Variants in SMCHD1 observed in about 807,000 individuals in gnomAD.
The protein encoded by SMCHD1 is structural maintenance of chromosomes flexible hinge domain containing 1.
A neutral mutation model predicts 254.7 loss-of-function variants in SMCHD1; 78 were observed. The observed-to-expected ratio is 0.31, with a 90% confidence interval of 0.26 to 0.37. SMCHD1 has a LOEUF of 0.37. Ranked by LOEUF, SMCHD1 falls within the 10% of genes least tolerant of loss-of-function variation. The probability of loss-of-function intolerance (pLI) is 1.00; values close to 1 mark genes in which losing one functional copy is unlikely to be tolerated. For missense variants in SMCHD1, 1,840 were observed against 2,408.1 expected, an observed-to-expected ratio of 0.76 and a Z score of 4.94; for synonymous variants, 766 against 794.9, an observed-to-expected ratio of 0.96 and a Z score of 0.61.
chr18:2,673,328 C>G lies in SMCHD1; in HGVS notation c.472C>G (p.Arg158Gly). The G allele has an allele frequency of 6.3e-7, 1 of 1,582,618 alleles. No individual in the cohort carries two copies. The highest frequency in any genetic ancestry group is 8.6e-7 in the Non-Finnish European group (1 of 1,158,190). ...TGACAATTCATTGTCTGCTACTTCT[C>G]GTAACATTGGGGTTAGAAGAATACA... ...LIDNSLSATS[R>G]NIGVRRIQIK... is the part of the protein sequence containing the mutation. Residue 158 changes from arginine to glycine, a missense_variant, in exon 4 of 48, where the codon CGT becomes GGT. Physicochemically the swap from Arg to Gly is moderately radical, Grantham distance 125 (BLOSUM62 -2). Around this residue, in one of 9 missense-constraint regions of SMCHD1, gnomAD observed 498 missense variants for 743.5 expected, o/e 0.67. Transcript: ENST00000320876.
intron 45 of SMCHD1, among the ~76,000 whole-genome samples, chr18:2,786,082 C>T (rs1362566192): frequency 6.6e-6 from 1 of 151,982 alleles, no homozygotes; most frequent in African/African-American, 2.4e-5. Context: ...GGCACAATCT[C>T]AGCTCACTGC....
At chr18:2,762,438 A>G (rs2075802467) in intron 36 of SMCHD1, among the ~76,000 whole-genome samples, 1 of 152,002 alleles carries the variant, frequency 6.6e-6, no homozygotes, top group Admixed American at 6.6e-5. Flanking sequence ...CATAAAATGA[A>G]TTCAGAATAA....
intron 15 of SMCHD1, 193 bp from the exon 16 acceptor site, chr18:2,707,368 TTC>T: frequency 2.8e-6 from 1 of 351,612 alleles, no homozygotes; most frequent in Non-Finnish European, 5.1e-6. Flanking sequence ...TTTTTTCTTC[TTC>T]TTTTTTTTCA....
intron 45 of SMCHD1, chr18:2,784,913 G>T (rs1306765696): frequency 2.2e-6 from 1 of 461,320 alleles, no homozygotes; most frequent in Non-Finnish European, 4.2e-6. Flanking sequence ...GGAGTTTGAG[G>T]TCAGCCTGGG....
intron 32 of SMCHD1, among the ~76,000 whole-genome samples, 161 bp from the exon 33 acceptor site, chr18:2,751,117 A>G (rs879845621): frequency 2.1e-4 from 32 of 152,218 alleles, no homozygotes; most frequent in East Asian, 1.2e-3. Flanking sequence ...TTGGTCTTGT[A>G]TGCTAGAATT....
At chr18:2,713,021 T>C (rs1488813546) in intron 17 of SMCHD1, among the ~76,000 whole-genome samples, 1 of 152,208 alleles carries the variant, frequency 6.6e-6, no homozygotes, top group Non-Finnish European at 1.5e-5. Flanking sequence ...CTTAAATGTG[T>C]CTTTCCCCTC....
At chr18:2,749,018 A>G (rs1043590256) in intron 30 of SMCHD1, among the ~76,000 whole-genome samples, 4 of 152,214 alleles carry the variant, frequency 2.6e-5, no homozygotes, top group Non-Finnish European at 5.9e-5. Flanking sequence ...TTTCATAGTA[A>G]TTACAGTTGG....
At chr18:2,763,861 T>C in intron 37 of SMCHD1, 72 bp downstream of exon 37, 1 of 1,360,392 alleles carries the variant, frequency 7.4e-7, no homozygotes, top group Non-Finnish European at 1.0e-6. Context: ...TTAAGACACC[T>C]TTTCTTTTGT....
intron 39 of SMCHD1, among the ~76,000 whole-genome samples, chr18:2,770,827 G>A (rs890803209): frequency 1.2e-4 from 18 of 152,090 alleles, no homozygotes; most frequent in Non-Finnish European, 2.1e-4. Context: ...CACCATGTTG[G>A]CCGGGCTGGT....
At chr18:2,754,708 C>T (rs530923972) in intron 34 of SMCHD1, among the ~76,000 whole-genome samples, 4 of 152,198 alleles carry the variant, frequency 2.6e-5, no homozygotes, top group African/African-American at 9.6e-5. Context: ...TGAGAACCCT[C>T]CTGAAATCTA....
At chr18:2,793,625 A>G (rs1364541919) in intron 45 of SMCHD1, among the ~76,000 whole-genome samples, 2 of 138,006 alleles carry the variant, frequency 1.4e-5, no homozygotes, top group African/African-American at 2.7e-5. Flanking sequence ...AGATCGCGCC[A>G]CTGCACTCCA....
rs535446170 is a variant in SMCHD1 at position 2,726,705 on chromosome 18, A to G, written c.2773+181A>G. 115 of 308,846 alleles carry G rather than the reference A, an allele frequency of 3.7e-4. 1 individual carries two copies. The East Asian group carries it at 6.8e-3, about 18-fold the overall frequency. The allele number at this position is 308,846 out of a possible 1,614,324, so 19.1% of individuals were successfully genotyped here. ...TTTAAAAAGGAAAACATTTAGGAAGATGTTATTGACATTCTGAATATAACC... is the reference window on the plus strand; with the variant it reads ...TTTAAAAAGGAAAACATTTAGGAAGGTGTTATTGACATTCTGAATATAACC... On this transcript the variant is annotated intron_variant, in intron 22 of 47. Coordinates refer to ENST00000320876, the MANE Select transcript of SMCHD1 (RefSeq NM_015295.3).
intron 1 of SMCHD1, among the ~76,000 whole-genome samples, chr18:2,662,921 G>T (rs941316931): frequency 6.6e-6 from 1 of 152,002 alleles, no homozygotes; most frequent in African/African-American, 2.4e-5. Context: ...CTTTATGTTT[G>T]ACTTTTTTTC....
At position 2,733,117 on chromosome 18, in the gene SMCHD1, A is replaced by G. The variant is rs577507900; in HGVS notation, c.3276+625A>G. On this transcript the variant is annotated intron_variant, in intron 25 of 47. Coordinates refer to ENST00000320876, the MANE Select transcript of SMCHD1 (RefSeq NM_015295.3). ...TACATAAAGTAGACAGCTTTTTAGC[A>G]TTCCTTTGATGGTTGACTGAAAGAA... 4.3e-4 allele frequency among the ~76,000 whole-genome samples: 65 copies of G among 152,358 alleles called. No homozygotes were observed. In the Middle Eastern group the frequency reaches 0.01, roughly 24 times the overall value.
At position 2,760,665 on chromosome 18, in the gene SMCHD1, C is replaced by T. The variant is rs1166557758; in HGVS notation, c.4360C>T (p.Pro1454Ser). 1.3e-6 allele frequency: 2 copies of T among 1,557,146 alleles called. No individual in the cohort carries two copies. The highest frequency in any genetic ancestry group is 1.8e-6 in the Non-Finnish European group (2 of 1,129,146). ...GCFYFRDKVI[P>S]NKVGTYCIQF... ...TTTTAAATTTAGGGATAAAGTAATT[C>T]CTAATAAAGTGGGGACATATTGTAT... The change falls in exon 35 of 48, where the codon CCT (proline) becomes TCT (serine). Residue 1454 changes from proline (P) to serine (S), a missense_variant. Coordinates refer to ENST00000320876, the MANE Select transcript of SMCHD1 (RefSeq NM_015295.3).
chr18:2,685,707 T>C (rs2074036122), intron 5 of SMCHD1, among the ~76,000 whole-genome samples: 1 of 152,176 alleles, frequency 6.6e-6, no homozygotes, highest in African/African-American at 2.4e-5. Context: ...AATTATACAG[T>C]ATTTGTCATT....
chr18:2,761,861 T>G (rs2075791732), intron 35 of SMCHD1, among the ~76,000 whole-genome samples: 1 of 152,180 alleles, frequency 6.6e-6, no homozygotes, highest in African/African-American at 2.4e-5. Flanking sequence ...TTTGATTACC[T>G]ATGTTTTTTA....
chr18:2,707,973 CAAATT>C (rs2074558620), intron 17 of SMCHD1, 53 bp downstream of exon 17: 2 of 1,065,142 alleles, frequency 1.9e-6, no homozygotes, highest in Non-Finnish European at 2.6e-6. Flanking sequence ...AATATAATAT[CAAATT>C]AAATATCTTC....
intron 36 of SMCHD1, among the ~76,000 whole-genome samples, chr18:2,762,873 C>T (rs190066287): frequency 2.8e-4 from 42 of 152,198 alleles, no homozygotes; most frequent in East Asian, 5.8e-4. Flanking sequence ...CTTCAATGTC[C>T]GGTTCACTGA....
Sources: gnomAD v4.1 joint callset for allele counts (sites outside exome capture counted in the v4.1 genomes callset) on GRCh38, gnomAD v4.1.1 for gene constraint, gnomAD v4.1.1 regional missense constraint, MANE v1.5 for transcripts, NCBI Gene and HGNC (gene_info 2026-07-23, HGNC 2026-07-21) for gene names.